MYLIP: variants seen among roughly 807,000 people sequenced by gnomAD.
MYLIP encodes the protein myosin regulatory light chain interacting protein.
A neutral mutation model predicts 45.8 loss-of-function variants in MYLIP; 26 were observed. The ratio of observed to expected loss-of-function variants is 0.57; its 90% CI spans 0.42 to 0.79. The LOEUF is 0.79. Ranked by LOEUF, MYLIP falls within the 30% of genes least tolerant of loss-of-function variation. MYLIP has a pLI of 0.00. For synonymous variants in MYLIP, 213 were observed against 218.1 expected, an observed-to-expected ratio of 0.98 and a Z score of 0.21; for missense variants, 494 against 555.6, an observed-to-expected ratio of 0.89 and a Z score of 1.11.
chr6:16,139,409 TTTTACATAAGCAGTAATTAA>T (rs1238704894), intron 2 of MYLIP, among the ~76,000 whole-genome samples: 1 of 151,342 alleles, frequency 6.6e-6, no homozygotes, highest in Non-Finnish European at 1.5e-5. Context: ...AAAAGGCCAC[TTTTACATAAGCAGTAATTAA>T]ACTAAGAAGA....
In MYLIP at chr6:16,145,086, T is replaced by A; in HGVS notation, c.1017T>A (p.Val339=). 1.9e-6 allele frequency: 3 copies of A among 1,614,178 alleles called. No homozygotes were observed. In the African/African-American group the frequency reaches 4.0e-5, roughly 22 times the overall value. ...ALYNAGVVDL[V]SRNNQSPSHS... ...ACAATGCTGGCGTTGTGGACCTCGT[T>A]TCAAGAAACAACCAGAGCCCTTCAC... Residue 339 remains valine (V), a synonymous_variant, in exon 6 of 7, where the codon GTT becomes GTA. Coordinates refer to ENST00000356840, the MANE Select transcript of MYLIP (RefSeq NM_013262.4).
Position 16,129,219 on chromosome 6 carries a change from G to A in MYLIP, c.-104G>A, listed in dbSNP as rs758949875. The A allele has an allele frequency of 8.0e-7, 1 of 1,256,524 alleles. No individual in the cohort carries two copies. Among genetic ancestry groups the A allele is most frequent in the African/African-American group, 1.5e-5 (1 of 66,830 alleles). The allele number at this position is 1,256,524 out of a possible 1,614,324, so 77.8% of individuals were successfully genotyped here. ...GGTCCGCAGAGCTGCAGCCTTCGAG[G>A]GCCAGCCCTCTCCGAGTCCGGGGCT... On this transcript the variant is annotated 5_prime_UTR_variant, in exon 1 of 7. Transcript: ENST00000356840. The surrounding 1 kb of genome is among the most constrained non-coding windows in gnomAD (Gnocchi z 5.1).
chr6:16,133,572 G>A (rs539318928), intron 2 of MYLIP, among the ~76,000 whole-genome samples: 2 of 152,284 alleles, frequency 1.3e-5, no homozygotes, highest in East Asian at 1.9e-4. Context: ...ACAAATTAAT[G>A]TATTCTGGAA....
At chr6:16,142,260 C>T (rs1759689147) in intron 3 of MYLIP, among the ~76,000 whole-genome samples, 1 of 152,114 alleles carries the variant, frequency 6.6e-6, no homozygotes, top group African/African-American at 2.4e-5. Flanking sequence ...AATTTGTTAG[C>T]CTTTTATTTG....
chr6:16,161,563 C>T, the MYLIP span, among the ~76,000 whole-genome samples: 2 of 152,134 alleles, frequency 1.3e-5, no homozygotes, highest in East Asian at 1.9e-4. Flanking sequence ...AATATCAAGC[C>T]GTTTTTAATC....
the MYLIP span, among the ~76,000 whole-genome samples, chr6:16,157,127 C>T: frequency 1.3e-5 from 2 of 152,184 alleles, no homozygotes. Flanking sequence ...GCTTTGCATC[C>T]CCCTCTCTCC....
intron 1 of MYLIP, 93 bp from the exon 2 acceptor site, chr6:16,130,464 A>G: frequency 7.6e-7 from 1 of 1,316,076 alleles, no homozygotes; most frequent in Non-Finnish European, 1.1e-6. Context: ...TGAACTTTGT[A>G]AAAAGCACCA....
chr6:16,151,468 T>C (rs1670571147), downstream of MYLIP, among the ~76,000 whole-genome samples: 2 of 152,096 alleles, frequency 1.3e-5, no homozygotes, highest in Non-Finnish European at 1.5e-5. Flanking sequence ...GAGCCTAAAA[T>C]AAATTAGGAA....
chr6:16,146,954 G>C lies in MYLIP; in HGVS notation c.*203G>C, dbSNP rs1759805830. 6.5e-6 allele frequency: 3 copies of C among 463,146 alleles called. No homozygotes were observed. In the Admixed American group the frequency reaches 9.7e-5, roughly 15 times the overall value. The allele number at this position is 463,146 out of a possible 1,614,324, so 28.7% of individuals were successfully genotyped here. ...CGTAGAATCAACAACTCCAGTCATG[G>C]GACCAGGAGGAGCTCTGGGACGCAG... On this transcript the variant is annotated 3_prime_UTR_variant, in exon 7 of 7. Coordinates refer to ENST00000356840, the MANE Select transcript of MYLIP (RefSeq NM_013262.4).
In MYLIP at chr6:16,145,195, G is replaced by A; in HGVS notation, c.1126G>A (p.Glu376Lys). Residue 376 changes from glutamate (E) to lysine (K), a missense_variant, in exon 6 of 7, where the codon GAG becomes AAG. By Grantham distance (56) the Glu-to-Lys change is moderately conservative. Transcript: ENST00000356840. ...CTGCCAGCAGACCCGGGTGCTGCAG[G>A]AGAAGCTACGCAAGCTGAAGGAAGC... is the stretch of plus-strand genomic sequence containing the variant. Reference protein sequence around the residue: ...LSCQQTRVLQEKLRKLKEAML... With the variant: ...LSCQQTRVLQKKLRKLKEAML... The A allele has an allele frequency of 1.2e-6, 2 of 1,614,154 alleles. No homozygotes were observed. Among genetic ancestry groups the A allele is most frequent in the Non-Finnish European group, 1.7e-6 (2 of 1,180,026 alleles).
intron 2 of MYLIP, among the ~76,000 whole-genome samples, chr6:16,135,539 G>A (rs1375001590): frequency 1.3e-5 from 2 of 151,998 alleles, no homozygotes; most frequent in East Asian, 3.9e-4. Flanking sequence ...ATTTGGCTGT[G>A]ACAAGTTTCT....
chr6:16,143,521 C>G (rs1284759804), intron 4 of MYLIP, among the ~76,000 whole-genome samples, 178 bp from the exon 5 acceptor site: 2 of 152,184 alleles, frequency 1.3e-5, no homozygotes, highest in Non-Finnish European at 2.9e-5. Context: ...TCCACATATG[C>G]CCAACTGCTT....
intron 2 of MYLIP, among the ~76,000 whole-genome samples, chr6:16,132,305 T>C (rs1311678419): frequency 6.6e-6 from 1 of 152,174 alleles, no homozygotes; most frequent in African/African-American, 2.4e-5. Context: ...TTTCCTGTAA[T>C]TGGGTTAGTA....
At chr6:16,157,868 T>A in the MYLIP span, among the ~76,000 whole-genome samples, 2 of 152,230 alleles carry the variant, frequency 1.3e-5, no homozygotes, top group African/African-American at 4.8e-5. Flanking sequence ...ATCCTTCATG[T>A]AAGAAAACCA....
rs1458670902 is a variant in MYLIP, at chr6:16,145,294, G to A, written c.1225G>A (p.Glu409Lys). The change falls in exon 6 of 7, where the codon GAG becomes AAG. Residue 409 changes from glutamate to lysine, a missense_variant. By Grantham distance (56) the Glu-to-Lys change is moderately conservative. Transcript: ENST00000356840. ...TCCCTGTGGCCACACTGTGTGCTGT[G>A]AGAGCTGCGCCGCCCAGCTACAGGT... ...FCPCGHTVCCESCAAQLQSCP... is the reference protein window; with the variant it reads ...FCPCGHTVCCKSCAAQLQSCP... 3 of 1,598,812 alleles carry A rather than the reference G, an allele frequency of 1.9e-6. No homozygotes were observed. In the East Asian group the frequency reaches 6.7e-5, roughly 36 times the overall value.
rs750549300 is a variant in MYLIP at position 16,145,204 on chromosome 6, C to T, written c.1135C>T (p.Arg379Cys). The T allele has an allele frequency of 1.8e-5, 29 of 1,613,996 alleles. No homozygotes were observed. The highest frequency in any genetic ancestry group is 1.8e-4 in the South Asian group (16 of 91,090). ...QQTRVLQEKL[R>C]KLKEAMLCMV... ...GACCCGGGTGCTGCAGGAGAAGCTA[C>T]GCAAGCTGAAGGAAGCCATGCTGTG... Residue 379 changes from arginine (R) to cysteine (C), a missense_variant, in exon 6 of 7, where the codon CGC (arginine) becomes TGC (cysteine). By Grantham distance (180) the Arg-to-Cys change is radical. Coordinates refer to ENST00000356840, the MANE Select transcript of MYLIP (RefSeq NM_013262.4).
chr6:16,129,215 C>A lies in MYLIP; in HGVS notation c.-108C>A. 8.2e-7 allele frequency: 1 copy of A among 1,215,412 alleles called. No individual in the cohort carries two copies. The highest frequency in any genetic ancestry group is 1.2e-6 in the Non-Finnish European group (1 of 863,200). The allele number at this position is 1,215,412 out of a possible 1,614,324, so 75.3% of individuals were successfully genotyped here. On this transcript the variant is annotated 5_prime_UTR_variant, in exon 1 of 7. Transcript: ENST00000356840. This position sits in a 1 kb window ranked among gnomAD's most constrained non-coding sequence, Gnocchi z 5.1. ...CAAGGGTCCGCAGAGCTGCAGCCTT[C>A]GAGGGCCAGCCCTCTCCGAGTCCGG...
chr6:16,130,779 T>C, intron 2 of MYLIP, 32 bp downstream of exon 2: 3 of 1,597,976 alleles, frequency 1.9e-6, no homozygotes, highest in East Asian at 2.2e-5. Flanking sequence ...CAATGTCAAA[T>C]TGACCTTTGG....
the MYLIP span, chr6:16,161,395 C>A: frequency 4.4e-6 from 1 of 226,834 alleles, no homozygotes. Flanking sequence ...GATGACCTCC[C>A]GGACAACCTC....
Sources: gnomAD v4.1 joint callset for allele counts (sites outside exome capture counted in the v4.1 genomes callset) on GRCh38, gnomAD v4.1.1 for gene constraint, Gnocchi (gnomAD v3.1) non-coding constraint, MANE v1.5 for transcripts, NCBI Gene and HGNC (gene_info 2026-07-23, HGNC 2026-07-21) for gene names.